The following ERC2 variants were observed in gnomAD, a reference collection of about 807,000 sequenced individuals.
ERC2 encodes ERC protein 2.
Under a neutral mutation model 114.8 loss-of-function variants are expected in ERC2, and 42 were observed. The observed-to-expected ratio is 0.37, with a 90% confidence interval of 0.29 to 0.47. The LOEUF is 0.47. Ranked by LOEUF, ERC2 falls within the 20% of genes least tolerant of loss-of-function variation. The probability of loss-of-function intolerance (pLI) is 0.99; values close to 1 mark genes in which losing one functional copy is unlikely to be tolerated. For missense variants in ERC2, 939 were observed against 1,150.7 expected (o/e 0.82, Z 2.66); for synonymous variants, 454 against 425.5 (o/e 1.07, Z -0.82).
intron 3 of ERC2, among the ~76,000 whole-genome samples, chr3:56,217,858 T>C (rs2049599426): frequency 6.6e-6 from 1 of 152,096 alleles, no homozygotes; most frequent in Non-Finnish European, 1.5e-5. Context: ...ATCTGATCTT[T>C]GACAAACCTG....
chr3:55,841,919 A>T (rs2061152305), intron 14 of ERC2, among the ~76,000 whole-genome samples: 2 of 152,130 alleles, frequency 1.3e-5, no homozygotes. Context: ...CATCCTGCCA[A>T]AAACCTAATA....
At chr3:56,315,531 A>G (rs2056823245) in intron 2 of ERC2, among the ~76,000 whole-genome samples, 1 of 152,190 alleles carries the variant, frequency 6.6e-6, no homozygotes, top group Non-Finnish European at 1.5e-5. Flanking sequence ...AACAACAAAA[A>G]TTTTCCTTAA....
chr3:55,772,619 T>G (rs1022498571), intron 14 of ERC2, among the ~76,000 whole-genome samples: 4 of 152,196 alleles, frequency 2.6e-5, no homozygotes, highest in African/African-American at 4.8e-5. Context: ...CCTGGCCTAT[T>G]TTATTTTATG....
chr3:56,335,272 A>G (rs1354124170), intron 2 of ERC2, among the ~76,000 whole-genome samples: 8 of 152,218 alleles, frequency 5.3e-5, no homozygotes, highest in African/African-American at 1.9e-4. Flanking sequence ...GCTCACAATT[A>G]AAGAAGCAAC....
In ERC2 at chr3:55,604,637, C is replaced by A. The variant is rs149439663; in HGVS notation, c.*39+79157G>T. Among the ~76,000 whole-genome samples, 5 of 152,258 alleles carry A rather than the reference C, an allele frequency of 3.3e-5. No homozygotes were observed. In the East Asian group the frequency reaches 9.7e-4, roughly 29 times the overall value. Reference sequence around the variant, plus strand: ...GACAGAGCATGCCAGGCCTTGTAGGCTTGAGCTAAGCATTTACGTTTATTA... The same window carrying A: ...GACAGAGCATGCCAGGCCTTGTAGGATTGAGCTAAGCATTTACGTTTATTA... On this transcript the variant is annotated intron_variant, in intron 17 of 17. Coordinates refer to ENST00000288221, the MANE Select transcript of ERC2 (RefSeq NM_015576.3).
At chr3:56,121,262 C>T (rs931871511) in intron 6 of ERC2, among the ~76,000 whole-genome samples, 11 of 152,146 alleles carry the variant, frequency 7.2e-5, no homozygotes, top group Admixed American at 3.3e-4. Context: ...CACTCTTTCT[C>T]GGTTCATCGA....
chr3:56,351,350 T>C (rs138200917), intron 2 of ERC2, among the ~76,000 whole-genome samples: 56 of 152,280 alleles, frequency 3.7e-4, no homozygotes, highest in Middle Eastern at 3.4e-3. Flanking sequence ...GCATCCTTTT[T>C]CTTTCTTTTC....
At chr3:56,034,578 C>A (rs955906527) in intron 7 of ERC2, among the ~76,000 whole-genome samples, 8 of 152,152 alleles carry the variant, frequency 5.3e-5, no homozygotes, top group African/African-American at 1.9e-4. Flanking sequence ...CAGATTATAT[C>A]TTGGGCCACC....
chr3:56,294,352 T>A (rs1163245170), intron 3 of ERC2, among the ~76,000 whole-genome samples: 1 of 152,270 alleles, frequency 6.6e-6, no homozygotes, highest in African/African-American at 2.4e-5. Context: ...TCACAGTCTC[T>A]CACAGCCTGC....
chr3:56,403,616 A>C (rs2060603072), intron 2 of ERC2, among the ~76,000 whole-genome samples: 1 of 152,238 alleles, frequency 6.6e-6, no homozygotes, highest in African/African-American at 2.4e-5. Flanking sequence ...CAACAGACCT[A>C]TTAAATCCGA....
chr3:56,252,251 G>T (rs930791279), intron 3 of ERC2, among the ~76,000 whole-genome samples: 3 of 151,976 alleles, frequency 2.0e-5, no homozygotes, highest in Non-Finnish European at 2.9e-5. Flanking sequence ...TTTTAATCTG[G>T]CTGAAAATTG....
At chr3:55,516,968 C>T (rs2052555117) in intron 17 of ERC2, among the ~76,000 whole-genome samples, 1 of 152,124 alleles carries the variant, frequency 6.6e-6, no homozygotes, top group South Asian at 2.1e-4. Flanking sequence ...GTAAAATTCC[C>T]CAGCTCCCTG....
intron 13 of ERC2, among the ~76,000 whole-genome samples, chr3:55,939,076 T>C (rs2066623661): frequency 6.6e-6 from 1 of 152,234 alleles, no homozygotes; most frequent in Non-Finnish European, 1.5e-5. Context: ...TAAACATTTT[T>C]CAATTTGCTT....
At chr3:56,383,549 G>C (rs192532261) in intron 2 of ERC2, among the ~76,000 whole-genome samples, 1 of 152,246 alleles carries the variant, frequency 6.6e-6, no homozygotes, top group African/African-American at 2.4e-5. Flanking sequence ...GCACATAGTG[G>C]ATACTCAACA....
intron 2 of ERC2, among the ~76,000 whole-genome samples, chr3:56,337,891 T>C (rs2057921822): frequency 6.6e-6 from 1 of 152,230 alleles, no homozygotes; most frequent in South Asian, 2.1e-4. Context: ...GATGAAATGA[T>C]GGTATATTTA....
chr3:55,723,568 C>G (rs1360184125), intron 15 of ERC2, among the ~76,000 whole-genome samples: 2 of 151,754 alleles, frequency 1.3e-5, no homozygotes, highest in African/African-American at 2.4e-5. Flanking sequence ...GACATCTTCC[C>G]CAAAAGAATA....
chr3:55,564,909 A>G (rs1369996790), intron 17 of ERC2, among the ~76,000 whole-genome samples: 1 of 152,240 alleles, frequency 6.6e-6, no homozygotes. Context: ...TGCTGGCCAT[A>G]TGTTCTCCGT....
At chr3:56,292,861 C>G (rs1052184577) in intron 3 of ERC2, among the ~76,000 whole-genome samples, 1 of 152,092 alleles carries the variant, frequency 6.6e-6, no homozygotes, top group Non-Finnish European at 1.5e-5. Flanking sequence ...ATACTGTCAC[C>G]CCCTCCAAGA....
intron 17 of ERC2, among the ~76,000 whole-genome samples, chr3:55,640,611 C>T (rs768311125): frequency 4.1e-4 from 62 of 152,094 alleles, no homozygotes; most frequent in African/African-American, 1.4e-3. Context: ...TGTGGGAACA[C>T]GGAGGCTGTG....
Sources: allele counts gnomAD v4.1 joint callset (sites outside exome capture counted in the v4.1 genomes callset), GRCh38; gene constraint gnomAD v4.1.1; transcripts MANE v1.5; gene names NCBI Gene and HGNC (gene_info 2026-07-23, HGNC 2026-07-21).